CORO1C: variants seen among roughly 807,000 people sequenced by gnomAD.
CORO1C encodes the protein coronin 1C.
CORO1C carries 14 observed loss-of-function variants against 51.2 expected under a neutral mutation model. That is an observed-to-expected ratio of 0.27 (90% CI 0.18 to 0.43). The LOEUF is 0.43. Ranked by LOEUF, CORO1C falls within the 20% of genes least tolerant of loss-of-function variation. The pLI, the probability that CORO1C is intolerant of heterozygous loss-of-function variation, is 1.00. For missense variants in CORO1C, 417 were observed against 607.8 expected (o/e 0.69, Z 3.30); for synonymous variants, 181 against 210.5 (o/e 0.86, Z 1.21).
chr12:108,687,515 T>C (rs1406102634), intron 2 of CORO1C, among the ~76,000 whole-genome samples: 1 of 151,302 alleles, frequency 6.6e-6, no homozygotes, highest in Non-Finnish European at 1.5e-5. Flanking sequence ...CCAGGTGCAG[T>C]GGCTCACGCC....
chr12:108,680,770 C>T (rs1425618938), intron 2 of CORO1C, among the ~76,000 whole-genome samples: 1 of 152,172 alleles, frequency 6.6e-6, no homozygotes, highest in Non-Finnish European at 1.5e-5. Flanking sequence ...GGTGTCTCTC[C>T]TTAAAGAACG....
intron 2 of CORO1C, among the ~76,000 whole-genome samples, chr12:108,691,035 T>C (rs1362490680): frequency 6.6e-6 from 1 of 151,016 alleles, no homozygotes; most frequent in Non-Finnish European, 1.5e-5. Context: ...GGTCTCAGAA[T>C]GAAAATCCAC....
At chr12:108,677,544 T>C (rs978816255) in intron 3 of CORO1C, among the ~76,000 whole-genome samples, 7 of 152,252 alleles carry the variant, frequency 4.6e-5, no homozygotes, top group African/African-American at 1.7e-4. Context: ...ACATATCCCA[T>C]TTTATCTGCA....
intron 2 of CORO1C, among the ~76,000 whole-genome samples, chr12:108,691,209 G>GTT (rs1565923691): frequency 6.6e-6 from 1 of 152,080 alleles, no homozygotes. Flanking sequence ...CCAAGTCACC[G>GTT]TTCCTCCAAG....
chr12:108,694,317 C>A (rs1475469106), intron 2 of CORO1C, among the ~76,000 whole-genome samples: 2 of 149,030 alleles, frequency 1.3e-5, no homozygotes, highest in African/African-American at 4.9e-5. Context: ...AAGAACCCAC[C>A]ACAGGTCGCT....
At chr12:108,655,092 T>C (rs1261445526) in intron 6 of CORO1C, among the ~76,000 whole-genome samples, 1 of 94,182 alleles carries the variant, frequency 1.1e-5, no homozygotes, top group Non-Finnish European at 2.1e-5. Flanking sequence ...ATAAAAATCA[T>C]TCCATCAAAA....
Position 108,678,328 on chromosome 12 carries a change from A to G in CORO1C, c.262T>C (p.Trp88Arg). Residue 88 changes from tryptophan (W) to arginine (R), a missense_variant, in exon 3 of 11, where the codon TGG becomes CGG. Coordinates refer to ENST00000261401, the MANE Select transcript of CORO1C (RefSeq NM_014325.4). ...ATGACCTGATCGTTATGTGGGCACC[A>G]GTCTATGTCCAGCACTGGTCCTGTG... ...GHTGPVLDID[W>R]CPHNDQVIAS... 2 of 1,613,186 alleles carry G rather than the reference A, an allele frequency of 1.2e-6. No homozygotes were observed. The highest frequency in any genetic ancestry group is 1.7e-6 in the Non-Finnish European group (2 of 1,179,488).
chr12:108,658,630 C>T lies in CORO1C; in HGVS notation c.630+108G>A, dbSNP rs1258595915. On this transcript the variant is annotated intron_variant, in intron 5 of 10. Coordinates refer to ENST00000261401, the MANE Select transcript of CORO1C (RefSeq NM_014325.4). This position sits in a 1 kb window ranked among gnomAD's most constrained non-coding sequence, Gnocchi z 4.9. ...TTCTCTTATTCACAGTTGGTGTCTACACACAACAGGGTCCCACTGACCAGT... is the reference window on the plus strand; with the variant it reads ...TTCTCTTATTCACAGTTGGTGTCTATACACAACAGGGTCCCACTGACCAGT... 14 of 1,042,604 alleles carry T rather than the reference C, an allele frequency of 1.3e-5. No homozygotes were observed. The highest frequency in any genetic ancestry group is 2.2e-5 in the Admixed American group (1 of 46,228). The allele number at this position is 1,042,604 out of a possible 1,614,324, so 64.6% of individuals were successfully genotyped here.
intron 2 of CORO1C, among the ~76,000 whole-genome samples, chr12:108,686,170 T>C (rs1314992031): frequency 2.0e-5 from 3 of 152,208 alleles, no homozygotes; most frequent in African/African-American, 7.2e-5. Flanking sequence ...ACAATTCTCA[T>C]TCGTCTGCAC....
chr12:108,725,534 A>G (rs2035567924), intron 1 of CORO1C, among the ~76,000 whole-genome samples: 1 of 152,234 alleles, frequency 6.6e-6, no homozygotes, highest in African/African-American at 2.4e-5. Context: ...GCTAGCAAGA[A>G]GCGGAGCCAA....
intron 10 of CORO1C, among the ~76,000 whole-genome samples, chr12:108,647,817 T>TA (rs1311488529): frequency 6.6e-6 from 1 of 152,188 alleles, no homozygotes; most frequent in Non-Finnish European, 1.5e-5. Context: ...GGGTCACAGT[T>TA]AGACTATAGG....
intron 1 of CORO1C, among the ~76,000 whole-genome samples, chr12:108,728,987 G>A (rs1434433750): frequency 6.6e-6 from 1 of 152,136 alleles, no homozygotes; most frequent in Non-Finnish European, 1.5e-5. Flanking sequence ...TGGAAAAGAG[G>A]TCAAAGGTAA....
chr12:108,645,756 C>T lies in CORO1C; in HGVS notation c.*1647G>A, dbSNP rs1404820177. On this transcript the variant is annotated 3_prime_UTR_variant, in exon 11 of 11. Coordinates refer to ENST00000261401, the MANE Select transcript of CORO1C (RefSeq NM_014325.4). The stretch of plus-strand genomic sequence containing the variant: ...CCTGGCTCCCTGCATACAGACGTTT[C>T]CAGCCAGTCCCATGCCCACACCAGC... 1 of 152,314 alleles carries T rather than the reference C, an allele frequency of 6.6e-6. No individual in the cohort carries two copies. Among genetic ancestry groups the T allele is most frequent in the Admixed American group, 6.5e-5 (1 of 15,282 alleles). The allele number at this position is 152,314 out of a possible 1,614,324, so 9.4% of individuals were successfully genotyped here.
chr12:108,716,270 T>C (rs1188200673), intron 1 of CORO1C, among the ~76,000 whole-genome samples: 1 of 152,134 alleles, frequency 6.6e-6, no homozygotes, highest in African/African-American at 2.4e-5. Flanking sequence ...AGTCTGTTTT[T>C]CACTACTTAG....
Position 108,658,986 on chromosome 12 carries a change from A to G in CORO1C, c.449-67T>C. ...ACCTATGTAACACACTCAGAAAACT[A>G]CAGATACAGTGAGAATACACATATG... On this transcript the variant is annotated intron_variant, in intron 4 of 10. Transcript: ENST00000261401. The surrounding 1 kb of genome is among the most constrained non-coding windows in gnomAD (Gnocchi z 4.9). 1 of 1,505,794 alleles carries G rather than the reference A, an allele frequency of 6.6e-7. No homozygotes were observed. The highest frequency in any genetic ancestry group is 1.8e-5 in the Admixed American group (1 of 56,378). 93.3% of individuals were successfully genotyped at this position (1,505,794 alleles called of 1,614,324 possible).
At chr12:108,705,303 A>G (rs1050435498) in intron 1 of CORO1C, among the ~76,000 whole-genome samples, 7 of 151,848 alleles carry the variant, frequency 4.6e-5, no homozygotes, top group Non-Finnish European at 1.0e-4. Context: ...ACATGGTGAA[A>G]CCCAGTCTCT....
chr12:108,684,680 G>C (rs1158358994), intron 2 of CORO1C, among the ~76,000 whole-genome samples: 1 of 152,052 alleles, frequency 6.6e-6, no homozygotes, highest in Admixed American at 6.5e-5. Flanking sequence ...TATTCTACCT[G>C]TATCTGTTAT....
At chr12:108,653,312 C>T (rs1592845416) in intron 7 of CORO1C, among the ~76,000 whole-genome samples, 1 of 152,172 alleles carries the variant, frequency 6.6e-6, no homozygotes, top group African/African-American at 2.4e-5. Flanking sequence ...AGGGCAACAA[C>T]AGCAAGGTAA....
chr12:108,716,127 C>CAAAAAAAAAAA (rs61278729), intron 1 of CORO1C, among the ~76,000 whole-genome samples: 2 of 41,070 alleles, frequency 4.9e-5, no homozygotes, highest in Non-Finnish European at 7.8e-5. Flanking sequence ...GACTCTGTCG[C>CAAAAAAAAAAA]AAAAAAAAAA....
Sources: allele counts gnomAD v4.1 joint callset (sites outside exome capture counted in the v4.1 genomes callset), GRCh38; gene constraint gnomAD v4.1.1; non-coding constraint Gnocchi (gnomAD v3.1); transcripts MANE v1.5; gene names NCBI Gene and HGNC (gene_info 2026-07-23, HGNC 2026-07-21).